Variants in PLCL1 observed in about 807,000 individuals in gnomAD.
PLCL1 encodes phospholipase C like 1 (inactive), also known as inactive phospholipase C-like protein 1.
Under a neutral mutation model 84.4 loss-of-function variants are expected in PLCL1, and 41 were observed. The observed-to-expected ratio is 0.49, with a 90% CI of 0.38 to 0.63. PLCL1 has a LOEUF of 0.63. Among genes scored for constraint, PLCL1 ranks in the 30% least tolerant of loss-of-function variants. PLCL1 has a pLI of 0.00. For missense variants in PLCL1, 1,206 were observed against 1,367.8 expected (o/e 0.88, Z 1.87); for synonymous variants, 490 against 488.3 (o/e 1.00, Z -0.05).
At chr2:197,888,987 G>T (rs1687967835) in intron 1 of PLCL1, among the ~76,000 whole-genome samples, 1 of 152,114 alleles carries the variant, frequency 6.6e-6, no homozygotes. Flanking sequence ...GGAAAAATTT[G>T]CTAAAATGCA....
chr2:197,988,238 AT>A (rs1282731400), intron 1 of PLCL1, among the ~76,000 whole-genome samples: 1 of 152,152 alleles, frequency 6.6e-6, no homozygotes, highest in African/African-American at 2.4e-5. Context: ...TTGATCACTT[AT>A]TTTATTTCAA....
chr2:198,014,300 G>C (rs1202567117), intron 1 of PLCL1, among the ~76,000 whole-genome samples: 1 of 152,078 alleles, frequency 6.6e-6, no homozygotes, highest in Non-Finnish European at 1.5e-5. Flanking sequence ...TAGCTTATTA[G>C]TGAAGAGCCT....
At chr2:197,892,765 T>G (rs547904306) in intron 1 of PLCL1, among the ~76,000 whole-genome samples, 1 of 152,164 alleles carries the variant, frequency 6.6e-6, no homozygotes, top group Non-Finnish European at 1.5e-5. Flanking sequence ...GAGGCTGAGG[T>G]GGGCGGATCA....
chr2:197,935,506 T>G (rs1689033658), intron 1 of PLCL1, among the ~76,000 whole-genome samples: 1 of 152,068 alleles, frequency 6.6e-6, no homozygotes, highest in African/African-American at 2.4e-5. Context: ...AGTGAACTAA[T>G]GCAGGAACAT....
At chr2:197,968,613 T>C (rs1689796079) in intron 1 of PLCL1, among the ~76,000 whole-genome samples, 1 of 152,176 alleles carries the variant, frequency 6.6e-6, no homozygotes, top group Admixed American at 6.5e-5. Context: ...TTCTCCAGTT[T>C]TAGTTTCCAT....
intron 1 of PLCL1, among the ~76,000 whole-genome samples, chr2:198,030,564 A>G (rs1389861070): frequency 6.6e-6 from 1 of 152,148 alleles, no homozygotes; most frequent in African/African-American, 2.4e-5. Context: ...GCCACATGCT[A>G]GCAATAGTAT....
intron 1 of PLCL1, among the ~76,000 whole-genome samples, chr2:198,028,362 G>A (rs539001188): frequency 6.6e-6 from 1 of 152,000 alleles, no homozygotes; most frequent in African/African-American, 2.4e-5. Context: ...AGTGGGATTG[G>A]GCTTGCCACT....
At chr2:198,126,600 G>T (rs1028299934) in intron 5 of PLCL1, among the ~76,000 whole-genome samples, 5 of 151,988 alleles carry the variant, frequency 3.3e-5, no homozygotes, top group African/African-American at 1.2e-4. Context: ...CACACCATTA[G>T]CAAGTTAAAA....
rs1457756568 is a variant in PLCL1, at chr2:198,033,827, C to G, written c.241-49931C>G. Among the ~76,000 whole-genome samples the G allele has an allele frequency of 1.4e-4, 21 of 152,124 alleles. 1 individual carries two copies. Among genetic ancestry groups the G allele is most frequent in the Admixed American group, 1.4e-3 (21 of 15,254 alleles). ...CTGGCTATTTCCTAAGATTCTGTTTCCAGCCCTCTTCTTTATATTCTTTGG... is the reference window on the plus strand; with the variant it reads ...CTGGCTATTTCCTAAGATTCTGTTTGCAGCCCTCTTCTTTATATTCTTTGG... On this transcript the variant is annotated intron_variant, in intron 1 of 5. Coordinates refer to ENST00000428675, the MANE Select transcript of PLCL1 (RefSeq NM_006226.4).
At chr2:197,976,110 G>A (rs565218965) in intron 1 of PLCL1, among the ~76,000 whole-genome samples, 9 of 152,162 alleles carry the variant, frequency 5.9e-5, no homozygotes, top group South Asian at 2.1e-4. Flanking sequence ...TTCTTCACTC[G>A]TCGTCATTTC....
At chr2:197,810,320 C>T (rs780489451) in intron 1 of PLCL1, 35 of 1,222,622 alleles carry the variant, frequency 2.9e-5, no homozygotes, top group Non-Finnish European at 3.8e-5. Flanking sequence ...GAATAAACTT[C>T]AGGTAAAGAG....
At chr2:197,940,327 G>T (rs904032298) in intron 1 of PLCL1, among the ~76,000 whole-genome samples, 1 of 152,084 alleles carries the variant, frequency 6.6e-6, no homozygotes, top group Non-Finnish European at 1.5e-5. Context: ...GAAAGCAAAT[G>T]AAGTGAAGAA....
intron 1 of PLCL1, among the ~76,000 whole-genome samples, chr2:197,989,595 T>A (rs901909824): frequency 6.6e-6 from 1 of 152,170 alleles, no homozygotes; most frequent in Non-Finnish European, 1.5e-5. Flanking sequence ...TTTTGGTTAC[T>A]CTGGAGGCTG....
At chr2:197,889,052 T>C (rs1356192543) in intron 1 of PLCL1, among the ~76,000 whole-genome samples, 1 of 152,218 alleles carries the variant, frequency 6.6e-6, no homozygotes, top group Non-Finnish European at 1.5e-5. Context: ...TTCAGTTTTG[T>C]ATATGTGTAA....
At chr2:197,837,260 A>G (rs1474365505) in intron 1 of PLCL1, among the ~76,000 whole-genome samples, 2 of 152,222 alleles carry the variant, frequency 1.3e-5, no homozygotes, top group African/African-American at 2.4e-5. Context: ...CTGGCATGCT[A>G]TCCAACATAA....
chr2:198,008,859 A>G (rs925756826), intron 1 of PLCL1, among the ~76,000 whole-genome samples: 1 of 151,932 alleles, frequency 6.6e-6, no homozygotes, highest in Non-Finnish European at 1.5e-5. Flanking sequence ...ATCTTCACCA[A>G]TGCTTGGTAT....
At chr2:198,097,065 A>T (rs1263257858) in intron 3 of PLCL1, among the ~76,000 whole-genome samples, 1 of 152,154 alleles carries the variant, frequency 6.6e-6, no homozygotes, top group Non-Finnish European at 1.5e-5. Context: ...TCTTATTGTG[A>T]AGTTTGTGTG....
At chr2:198,120,825 T>C (rs1045943579) in intron 5 of PLCL1, among the ~76,000 whole-genome samples, 1 of 152,072 alleles carries the variant, frequency 6.6e-6, no homozygotes, top group African/African-American at 2.4e-5. Context: ...TTCTTTTGAA[T>C]ATATACCCAG....
intron 1 of PLCL1, among the ~76,000 whole-genome samples, chr2:198,058,439 T>C (rs1163971874): frequency 1.3e-5 from 2 of 152,032 alleles, no homozygotes; most frequent in Admixed American, 6.6e-5. Context: ...TATTAAATTA[T>C]AGTCAAATCA....
Sources: gnomAD v4.1 joint callset for allele counts (sites outside exome capture counted in the v4.1 genomes callset) on GRCh38, gnomAD v4.1.1 for gene constraint, MANE v1.5 for transcripts, NCBI Gene and HGNC (gene_info 2026-07-23, HGNC 2026-07-21) for gene names.